GNAO1: variants seen among roughly 807,000 people sequenced by gnomAD.
GNAO1 encodes guanine nucleotide-binding protein G(o) subunit alpha.
For missense variants in GNAO1, 166 were observed against 478.7 expected (o/e 0.35, Z 6.10); for synonymous variants, 164 against 180.7 (o/e 0.91, Z 0.74).
chr16:56,213,299 G>A (rs1403129636), intron 2 of GNAO1: 1 of 397,462 alleles, frequency 2.5e-6, no homozygotes, highest in Non-Finnish European at 4.4e-6. Flanking sequence ...ACTCTGTACC[G>A]AGCACCATCT....
intron 2 of GNAO1, among the ~76,000 whole-genome samples, chr16:56,201,076 C>G (rs1291539164): frequency 1.3e-5 from 2 of 152,170 alleles, no homozygotes; most frequent in African/African-American, 2.4e-5. Flanking sequence ...GGCCTCAGTC[C>G]TTGTCCTGAA....
chr16:56,249,159 A>G (rs1268284170), intron 2 of GNAO1, among the ~76,000 whole-genome samples: 2 of 152,182 alleles, frequency 1.3e-5, no homozygotes, highest in African/African-American at 4.8e-5. Context: ...GGTGTGAGAG[A>G]AAGAGAGGAG....
intron 2 of GNAO1, among the ~76,000 whole-genome samples, chr16:56,232,852 C>A (rs920384174): frequency 6.6e-6 from 1 of 152,190 alleles, no homozygotes; most frequent in Non-Finnish European, 1.5e-5. Context: ...GACAGCTTCA[C>A]GAAGACATCT....
intron 4 of GNAO1, among the ~76,000 whole-genome samples, chr16:56,332,073 C>A (rs1326789639): frequency 6.6e-6 from 1 of 152,214 alleles, no homozygotes; most frequent in African/African-American, 2.4e-5. Flanking sequence ...CAGCCACCCC[C>A]ACTGTGCCAG....
intron 6 of GNAO1, chr16:56,344,833 A>T: frequency 3.0e-6 from 3 of 985,436 alleles, no homozygotes; most frequent in Non-Finnish European, 3.6e-6. Flanking sequence ...CACTGAATTC[A>T]ACTCAAACCA....
intron 3 of GNAO1, among the ~76,000 whole-genome samples, chr16:56,318,212 G>A (rs1024987590): frequency 1.3e-5 from 2 of 152,212 alleles, no homozygotes; most frequent in Non-Finnish European, 2.9e-5. Context: ...GCTCTCTCCT[G>A]TGCCGGAGAG....
chr16:56,281,033 C>A (rs548092518), intron 3 of GNAO1, among the ~76,000 whole-genome samples: 4 of 152,262 alleles, frequency 2.6e-5, no homozygotes, highest in Admixed American at 2.6e-4. Context: ...TTAATCCTAA[C>A]AGCTACCTGT....
At chr16:56,319,553 A>G (rs2617837) in intron 3 of GNAO1, among the ~76,000 whole-genome samples, 1 of 152,118 alleles carries the variant, frequency 6.6e-6, no homozygotes, top group African/African-American at 2.4e-5. Context: ...CAGCACCCCT[A>G]CCTGCTGCGC....
chr16:56,317,937 G>A (rs533304630), intron 3 of GNAO1, among the ~76,000 whole-genome samples: 2 of 152,274 alleles, frequency 1.3e-5, no homozygotes, highest in Non-Finnish European at 2.9e-5. Flanking sequence ...CGTTCTGTAG[G>A]CGCAGGCCTT....
chr16:56,242,212 A>AAGAT (rs59515949), intron 2 of GNAO1, among the ~76,000 whole-genome samples: 1 of 151,754 alleles, frequency 6.6e-6, no homozygotes, highest in Non-Finnish European at 1.5e-5. Context: ...AAGAAGGAAG[A>AAGAT]TGAAAAAAAT....
chr16:56,274,669 A>G (rs1162862831), intron 2 of GNAO1, among the ~76,000 whole-genome samples: 1 of 152,254 alleles, frequency 6.6e-6, no homozygotes, highest in Non-Finnish European at 1.5e-5. Flanking sequence ...GTCACAAAAG[A>G]CCATACATTG....
At chr16:56,340,232 T>A (rs1195323751) in intron 6 of GNAO1, 1 of 152,192 alleles carries the variant, frequency 6.6e-6, no homozygotes, top group African/African-American at 2.4e-5. Flanking sequence ...CAACCAGTTC[T>A]CCCAGAGCCT....
At chr16:56,232,803 C>G (rs1437843074) in intron 2 of GNAO1, among the ~76,000 whole-genome samples, 2 of 152,184 alleles carry the variant, frequency 1.3e-5, no homozygotes, top group East Asian at 1.9e-4. Flanking sequence ...GAAGCGCCCT[C>G]CAACTAACTT....
intron 6 of GNAO1, chr16:56,347,538 G>C: frequency 2.0e-6 from 2 of 985,594 alleles, no homozygotes; most frequent in Non-Finnish European, 2.4e-6. Context: ...CCAGATGAAG[G>C]CCCCTGTCAA....
intron 2 of GNAO1, among the ~76,000 whole-genome samples, chr16:56,221,609 C>T (rs1483127039): frequency 2.0e-5 from 3 of 147,108 alleles, no homozygotes; most frequent in Non-Finnish European, 4.4e-5. Context: ...GAGATCGCGC[C>T]ACTGCACTCT....
intron 2 of GNAO1, among the ~76,000 whole-genome samples, chr16:56,204,791 A>C (rs1396806257): frequency 1.3e-5 from 2 of 152,188 alleles, no homozygotes; most frequent in African/African-American, 4.8e-5. Flanking sequence ...TCAAGAACCC[A>C]AGTTCTCATC....
At chr16:56,283,716 T>C (rs147866573) in intron 3 of GNAO1, among the ~76,000 whole-genome samples, 1 of 152,188 alleles carries the variant, frequency 6.6e-6, no homozygotes, top group Non-Finnish European at 1.5e-5. Flanking sequence ...GAGGATGTAA[T>C]AGATGAAGGC....
At chr16:56,266,454 C>T (rs1321129583) in intron 2 of GNAO1, among the ~76,000 whole-genome samples, 1 of 152,196 alleles carries the variant, frequency 6.6e-6, no homozygotes. Flanking sequence ...AAAACATACA[C>T]ATCTTACTTC....
chr16:56,321,557 G>A (rs1457075402), intron 3 of GNAO1, among the ~76,000 whole-genome samples: 1 of 152,180 alleles, frequency 6.6e-6, no homozygotes, highest in Non-Finnish European at 1.5e-5. Context: ...AGATGGGTTG[G>A]CCAAGCCCAG....
Sources: allele counts gnomAD v4.1 joint callset (sites outside exome capture counted in the v4.1 genomes callset), GRCh38; gene constraint gnomAD v4.1.1; transcripts MANE v1.5; gene names NCBI Gene and HGNC (gene_info 2026-07-23, HGNC 2026-07-21).